The following TRIM11 variants were observed in gnomAD, a reference collection of about 807,000 sequenced individuals.
The protein encoded by TRIM11 is E3 ubiquitin-protein ligase TRIM11.
In TRIM11, 15 loss-of-function variants were observed where a neutral mutation model predicts 33.4. The ratio of observed to expected loss-of-function variants is 0.45; its 90% confidence interval spans 0.30 to 0.69. The LOEUF is 0.69. TRIM11 is among the 30% of genes least tolerant of loss of function. TRIM11 has a pLI of 0.08. For synonymous variants in TRIM11, 281 were observed against 302.6 expected (o/e 0.93, Z 0.74); for missense variants, 499 against 667.6 (o/e 0.75, Z 2.78).
Position 228,400,839 on chromosome 1 carries a change from T to A in TRIM11, c.735+125A>T. On this transcript the variant is annotated intron_variant, in intron 3 of 5. Transcript: ENST00000284551. The surrounding 1 kb of genome is among the most constrained non-coding windows in gnomAD (Gnocchi z 4.5). ...GGCAACAGCCAGGCACATCCAGCCA[T>A]GCCATTCACCTCTCAGCCCAGACAA... 1 of 1,416,814 alleles carries A rather than the reference T, an allele frequency of 7.1e-7. No homozygotes were observed. 87.8% of individuals were successfully genotyped at this position (1,416,814 alleles called of 1,614,324 possible). A position where few individuals can be genotyped will look rare whatever the true frequency, so the allele number is the denominator to read the frequency against.
intron 1 of TRIM11, chr1:228,405,633 TG>T (rs148790190): frequency 0.02 from 2,986 of 152,756 alleles, 38 homozygotes; most frequent in Middle Eastern, 0.041. Context: ...AGGGCAGCCC[TG>T]GAGGGGAGGT....
chr1:228,399,801 G>A (rs570332292), intron 3 of TRIM11, among the ~76,000 whole-genome samples: 1 of 148,390 alleles, frequency 6.7e-6, no homozygotes, highest in East Asian at 2.0e-4. Flanking sequence ...TGGAGGTGGG[G>A]GAAACTACCT....
In TRIM11 at chr1:228,401,021, A is replaced by C. The variant is rs1656204235; in HGVS notation, c.678T>G (p.Ala226=). 1 of 1,610,218 alleles carries C rather than the reference A, an allele frequency of 6.2e-7. No homozygotes were observed. The highest frequency in any genetic ancestry group is 8.5e-7 in the Non-Finnish European group (1 of 1,178,410). ...AHLGQQSAHL[A]ELIAELEGRC... ...GGCCCTCGAGCTCGGCGATGAGCTC[A>C]GCTAGGTGGGCGCTCTGCTGGCCTA... The change falls in exon 3 of 6, where the codon GCT becomes GCG. Residue 226 remains alanine, a synonymous_variant. Transcript: ENST00000284551. This position sits in a 1 kb window ranked among gnomAD's most constrained non-coding sequence, Gnocchi z 6.1.
chr1:228,405,973 C>T, intron 1 of TRIM11, 181 bp downstream of exon 1: 1 of 631,568 alleles, frequency 1.6e-6, no homozygotes, highest in Non-Finnish European at 2.3e-6. Flanking sequence ...GTGTCATGAG[C>T]CCCCACAGCC....
chr1:228,406,099 C>T lies in TRIM11; in HGVS notation c.408+55G>A, dbSNP rs1656404647. ...CCCCAAACCTCCCACCCGCCCAGGC[C>T]TCCCCAGTCCCCGGCTCCCCGACGC... On this transcript the variant is annotated intron_variant, in intron 1 of 5. Transcript: ENST00000284551. The surrounding 1 kb of genome is among the most constrained non-coding windows in gnomAD (Gnocchi z 8.2). 1 of 1,332,372 alleles carries T rather than the reference C, an allele frequency of 7.5e-7. No homozygotes were observed. 82.5% of individuals were successfully genotyped at this position (1,332,372 alleles called of 1,614,324 possible).
At position 228,406,373 on chromosome 1, in the gene TRIM11, C is replaced by A; in HGVS notation, c.189G>T (p.Arg63Ser). 1 of 1,521,972 alleles carries A rather than the reference C, an allele frequency of 6.6e-7. No individual in the cohort carries two copies. The highest frequency in any genetic ancestry group is 8.8e-7 in the Non-Finnish European group (1 of 1,137,996). 94.3% of individuals were successfully genotyped at this position (1,521,972 alleles called of 1,614,324 possible). Residue 63 changes from arginine to serine, a missense_variant, in exon 1 of 6, where the codon AGG (arginine) becomes AGT (serine). Physicochemically the swap from Arg to Ser is moderately radical, Grantham distance 110. Transcript: ENST00000284551. The surrounding 1 kb of genome is among the most constrained non-coding windows in gnomAD (Gnocchi z 8.2). ...CAAGCGGGCGGTTGGGCCGCAGGTT[C>A]CTCTGCGGGGACAGCTCGCGGCACT... ...CPECRELSPQRNLRPNRPLAK... is the reference protein window; with the variant it reads ...CPECRELSPQSNLRPNRPLAK...
chr1:228,402,238 T>C (rs2149093481), intron 1 of TRIM11, 77 bp from the exon 2 acceptor site: 2 of 1,093,352 alleles, frequency 1.8e-6, no homozygotes, highest in Non-Finnish European at 2.6e-6. Context: ...TGACACCCTG[T>C]CCCCTCCTCA....
In TRIM11 at chr1:228,395,095, T is replaced by C; in HGVS notation, c.1017A>G (p.Ser339=). The stretch of plus-strand genomic sequence containing the variant: ...CCTCCACCTCCCAGTAGTGGCGGCC[T>C]GAGGTGAAGCGCTCCTGGCCCAGCA... ...PCVLGQERFT[S]GRHYWEVEVG... is the part of the protein sequence containing the mutation. The change falls in exon 6 of 6, where the codon TCA becomes TCG. Residue 339 remains serine, a synonymous_variant. Coordinates refer to ENST00000284551, the MANE Select transcript of TRIM11 (RefSeq NM_145214.3). The surrounding 1 kb of genome is among the most constrained non-coding windows in gnomAD (Gnocchi z 4.8). 6.2e-7 allele frequency: 1 copy of C among 1,602,522 alleles called. No individual in the cohort carries two copies. Among genetic ancestry groups the C allele is most frequent in the Admixed American group, 1.7e-5 (1 of 59,392 alleles).
Position 228,403,100 on chromosome 1 carries a change from T to C in TRIM11, c.409-939A>G, listed in dbSNP as rs1387198732. 1.3e-5 allele frequency: 2 copies of C among 152,252 alleles called. No homozygotes were observed. Among genetic ancestry groups the C allele is most frequent in the South Asian group, 2.1e-4 (1 of 4,828 alleles). The allele number at this position is 152,252 out of a possible 1,614,324, so 9.4% of individuals were successfully genotyped here. On this transcript the variant is annotated intron_variant, in intron 1 of 5. Coordinates refer to ENST00000284551, the MANE Select transcript of TRIM11 (RefSeq NM_145214.3). This position sits in a 1 kb window ranked among gnomAD's most constrained non-coding sequence, Gnocchi z 4.8. ...TTCCCACGGTTCCTCATGCTGTGCA[T>C]ACCAGGAAGCAGTGAAAATCCTGTA...
chr1:228,400,839 T>C lies in TRIM11; in HGVS notation c.735+125A>G, dbSNP rs1656183470. ...GGCAACAGCCAGGCACATCCAGCCA[T>C]GCCATTCACCTCTCAGCCCAGACAA... On this transcript the variant is annotated intron_variant, in intron 3 of 5. Transcript: ENST00000284551. The surrounding 1 kb of genome is among the most constrained non-coding windows in gnomAD (Gnocchi z 4.5). 2 of 1,416,814 alleles carry C rather than the reference T, an allele frequency of 1.4e-6. No homozygotes were observed. The highest frequency in any genetic ancestry group is 3.0e-5 in the Admixed American group (1 of 33,780). The allele number at this position is 1,416,814 out of a possible 1,614,324, so 87.8% of individuals were successfully genotyped here.
In TRIM11 at chr1:228,406,023, G is replaced by A; in HGVS notation, c.408+131C>T. ...CCCCCTCACAGGCCCACAGCAGGCT[G>A]CATCCTGAGCTCCCCGCCCTAGACA... is the stretch of plus-strand genomic sequence containing the variant. On this transcript the variant is annotated intron_variant, in intron 1 of 5. Transcript: ENST00000284551. The surrounding 1 kb of genome is among the most constrained non-coding windows in gnomAD (Gnocchi z 8.2). 9.3e-7 allele frequency: 1 copy of A among 1,075,206 alleles called. No individual in the cohort carries two copies. The allele number at this position is 1,075,206 out of a possible 1,614,324, so 66.6% of individuals were successfully genotyped here. A position where few individuals can be genotyped will look rare whatever the true frequency, so the allele number is the denominator to read the frequency against.
intron 1 of TRIM11, 160 bp downstream of exon 1, chr1:228,405,994 A>C: frequency 5.2e-6 from 4 of 770,076 alleles, no homozygotes; most frequent in Non-Finnish European, 7.2e-6. Context: ...ACCCTGCGCG[A>C]CACCCCCCTC....
At chr1:228,398,963 T>C (rs891899077) in intron 3 of TRIM11, among the ~76,000 whole-genome samples, 1 of 151,984 alleles carries the variant, frequency 6.6e-6, no homozygotes, top group Non-Finnish European at 1.5e-5. Context: ...GGGGCAGCAT[T>C]GACTTGAACA....
In TRIM11 at chr1:228,395,366, C is replaced by A; in HGVS notation, c.860-114G>T. The A allele has an allele frequency of 1.7e-6, 2 of 1,187,680 alleles. No homozygotes were observed. Among genetic ancestry groups the A allele is most frequent in the East Asian group, 2.9e-5 (1 of 35,050 alleles). 73.6% of individuals were successfully genotyped at this position (1,187,680 alleles called of 1,614,324 possible). ...CCCAGTCGGACGGCCTGGCTCTCTGCCCTGGGCCTGTAGCCTCACAACCTC... is the reference window on the plus strand; with the variant it reads ...CCCAGTCGGACGGCCTGGCTCTCTGACCTGGGCCTGTAGCCTCACAACCTC... On this transcript the variant is annotated intron_variant, in intron 5 of 5. Coordinates refer to ENST00000284551, the MANE Select transcript of TRIM11 (RefSeq NM_145214.3). This position sits in a 1 kb window ranked among gnomAD's most constrained non-coding sequence, Gnocchi z 4.8.
chr1:228,406,630 G>A lies in TRIM11; in HGVS notation c.-69C>T. 7.4e-7 allele frequency: 1 copy of A among 1,345,172 alleles called. No homozygotes were observed. Among genetic ancestry groups the A allele is most frequent in the Admixed American group, 3.4e-5 (1 of 29,524 alleles). 83.3% of individuals were successfully genotyped at this position (1,345,172 alleles called of 1,614,324 possible). A position where few individuals can be genotyped will look rare whatever the true frequency, so the allele number is the denominator to read the frequency against. On this transcript the variant is annotated 5_prime_UTR_variant, in exon 1 of 6. Coordinates refer to ENST00000284551, the MANE Select transcript of TRIM11 (RefSeq NM_145214.3). The surrounding 1 kb of genome is among the most constrained non-coding windows in gnomAD (Gnocchi z 8.2). ...CGGCGGGCGGCCTCGGCAGCTCGCG[G>A]GGACGCGGGGTATCCGGGTGCGGCG... is the stretch of plus-strand genomic sequence containing the variant.
chr1:228,393,691 A>G lies in TRIM11; in HGVS notation c.*1014T>C, dbSNP rs1242601843. ...GCAGGATGACTTGTAGACAACAGCC[A>G]AAGTTTATTTAACGTGGGAATGCTT... is the stretch of plus-strand genomic sequence containing the variant. On this transcript the variant is annotated 3_prime_UTR_variant, in exon 6 of 6. Coordinates refer to ENST00000284551, the MANE Select transcript of TRIM11 (RefSeq NM_145214.3). The G allele has an allele frequency of 6.6e-6, 1 of 152,288 alleles. No homozygotes were observed. The highest frequency in any genetic ancestry group is 2.4e-5 in the African/African-American group (1 of 41,464). The allele number at this position is 152,288 out of a possible 1,614,324, so 9.4% of individuals were successfully genotyped here. A position where few individuals can be genotyped will look rare whatever the true frequency, so the allele number is the denominator to read the frequency against.
At position 228,394,816 on chromosome 1, in the gene TRIM11, G is replaced by T. The variant is rs138048553; in HGVS notation, c.1296C>A (p.Ile432=). Residue 432 remains isoleucine (I), a synonymous_variant, in exon 6 of 6, where the codon ATC becomes ATA. Transcript: ENST00000284551. This position sits in a 1 kb window ranked among gnomAD's most constrained non-coding sequence, Gnocchi z 6.2. ...GGGGCCGCAGCGTCCCCGAGAAGGG[G>T]ATCTCGGGAAAGATGAATAGCAGTG... The part of the protein sequence containing the change: ...DGSLLFIFPE[I]PFSGTLRPLF... 1 of 1,614,166 alleles carries T rather than the reference G, an allele frequency of 6.2e-7. No individual in the cohort carries two copies. The highest frequency in any genetic ancestry group is 8.5e-7 in the Non-Finnish European group (1 of 1,180,002).
chr1:228,396,531 T>C lies in TRIM11; in HGVS notation c.859+416A>G, dbSNP rs1171420235. ...AAGTAAAGTGCTCTTCTGAGTTCCATGGGCTGTGCTAGCGAATGCTCACAT... is the reference window on the plus strand; with the variant it reads ...AAGTAAAGTGCTCTTCTGAGTTCCACGGGCTGTGCTAGCGAATGCTCACAT... On this transcript the variant is annotated intron_variant, in intron 5 of 5. Coordinates refer to ENST00000284551, the MANE Select transcript of TRIM11 (RefSeq NM_145214.3). 8.2e-6 allele frequency: 5 copies of C among 611,440 alleles called. No individual in the cohort carries two copies. In the African/African-American group the frequency reaches 9.2e-5, roughly 11 times the overall value. The allele number at this position is 611,440 out of a possible 1,614,324, so 37.9% of individuals were successfully genotyped here.
chr1:228,394,758 T>G lies in TRIM11; in HGVS notation c.1354A>C (p.Met452Leu). 1 of 1,613,020 alleles carries G rather than the reference T, an allele frequency of 6.2e-7. No homozygotes were observed. Among genetic ancestry groups the G allele is most frequent in the Non-Finnish European group, 8.5e-7 (1 of 1,179,412 alleles). Residue 452 changes from methionine to leucine, a missense_variant, in exon 6 of 6, where the codon ATG (methionine) becomes CTG (leucine). By Grantham distance (15) the Met-to-Leu change is conservative. Coordinates refer to ENST00000284551, the MANE Select transcript of TRIM11 (RefSeq NM_145214.3). This position sits in a 1 kb window ranked among gnomAD's most constrained non-coding sequence, Gnocchi z 6.2. ...CCACCTTTCGGCCGGCAGATAGTCATCGGGGTCGGGCTGCTGGACAGGGGT... is the reference window on the plus strand; with the variant it reads ...CCACCTTTCGGCCGGCAGATAGTCAGCGGGGTCGGGCTGCTGGACAGGGGT... Reference protein sequence around the residue: ...FSPLSSSPTPMTICRPKGGSG... With the variant: ...FSPLSSSPTPLTICRPKGGSG...
Sources: gnomAD v4.1 joint callset for allele counts (sites outside exome capture counted in the v4.1 genomes callset) on GRCh38, gnomAD v4.1.1 for gene constraint, Gnocchi (gnomAD v3.1) non-coding constraint, MANE v1.5 for transcripts, NCBI Gene and HGNC (gene_info 2026-07-23, HGNC 2026-07-21) for gene names.